Variants in AFF3 observed in about 807,000 individuals in gnomAD.
AFF3 encodes the protein AF4/FMR2 family member 3.
In AFF3, 32 loss-of-function variants were observed where a neutral mutation model predicts 129.7. The ratio of observed to expected loss-of-function variants is 0.25; its 90% CI spans 0.19 to 0.33. AFF3 has a LOEUF of 0.33. Among genes scored for constraint, AFF3 ranks in the 10% least tolerant of loss-of-function variants. The pLI, the probability that AFF3 is intolerant of heterozygous loss-of-function variation, is 1.00. For synonymous variants in AFF3, 644 were observed against 635.4 expected, an observed-to-expected ratio of 1.01 and a Z score of -0.20; for missense variants, 1,373 against 1,592.0, an observed-to-expected ratio of 0.86 and a Z score of 2.34.
chr2:99,714,274 G>T (rs1369735250), intron 11 of AFF3, among the ~76,000 whole-genome samples: 1 of 152,138 alleles, frequency 6.6e-6, no homozygotes, highest in Non-Finnish European at 1.5e-5. Flanking sequence ...GTAGGCAAAG[G>T]CTGGTCAGTC....
chr2:99,597,998 C>T (rs1358467741), intron 14 of AFF3, among the ~76,000 whole-genome samples: 1 of 152,200 alleles, frequency 6.6e-6, no homozygotes, highest in Non-Finnish European at 1.5e-5. Flanking sequence ...CAACTTGAAT[C>T]ACATTTCTGT....
chr2:99,878,989 A>G (rs962833906), intron 7 of AFF3, among the ~76,000 whole-genome samples: 11 of 152,206 alleles, frequency 7.2e-5, no homozygotes, highest in African/African-American at 2.4e-4. Flanking sequence ...AACTTCAGAG[A>G]GAAGATGTCA....
In AFF3 at chr2:100,012,331, T is replaced by G. The variant is rs547390912; in HGVS notation, c.54-3399A>C. The stretch of plus-strand genomic sequence containing the variant: ...TGGTGGGTAGCTCTGTAGCCTCCAC[T>G]GAGCTGCTTCTTAAAACTAACCTAC... On this transcript the variant is annotated intron_variant, in intron 4 of 24. Coordinates refer to ENST00000672756, the MANE Select transcript of AFF3 (RefSeq NM_001386135.1). 1.9e-3 allele frequency among the ~76,000 whole-genome samples: 296 copies of G among 152,322 alleles called. 1 individual carries two copies. Among genetic ancestry groups the G allele is most frequent in the African/African-American group, 6.8e-3 (282 of 41,570 alleles).
intron 11 of AFF3, among the ~76,000 whole-genome samples, chr2:99,681,708 A>G (rs970004504): frequency 1.3e-5 from 2 of 152,212 alleles, no homozygotes; most frequent in Non-Finnish European, 2.9e-5. Context: ...AACAGACACC[A>G]CATCTCGTTC....
chr2:99,797,097 C>A (rs192194219), intron 8 of AFF3, among the ~76,000 whole-genome samples: 21 of 152,122 alleles, frequency 1.4e-4, no homozygotes, highest in Middle Eastern at 3.4e-3. Flanking sequence ...GATCACCATA[C>A]GTGCAAAGAA....
intron 7 of AFF3, among the ~76,000 whole-genome samples, chr2:99,899,938 G>A (rs1694230123): frequency 6.6e-6 from 1 of 152,194 alleles, no homozygotes; most frequent in Non-Finnish European, 1.5e-5. Context: ...TCAGGATGGT[G>A]TGCACTCTGA....
At chr2:99,897,840 C>T (rs991934597) in intron 7 of AFF3, among the ~76,000 whole-genome samples, 5 of 151,812 alleles carry the variant, frequency 3.3e-5, no homozygotes, top group South Asian at 2.1e-4. Context: ...AATTGAAATA[C>T]GTAGTTGAAA....
intron 8 of AFF3, among the ~76,000 whole-genome samples, chr2:99,795,440 T>C (rs936986378): frequency 1.5e-4 from 23 of 152,138 alleles, no homozygotes; most frequent in Non-Finnish European, 1.2e-4. Context: ...AAATTACTAA[T>C]GGGCATAATC....
intron 7 of AFF3, among the ~76,000 whole-genome samples, chr2:99,880,557 G>A (rs571012367): frequency 6.6e-6 from 1 of 152,312 alleles, no homozygotes; most frequent in African/African-American, 2.4e-5. Context: ...CTATGCCATA[G>A]CGTGGAGAAT....
At chr2:99,990,924 A>G (rs966785541) in intron 7 of AFF3, among the ~76,000 whole-genome samples, 1 of 152,134 alleles carries the variant, frequency 6.6e-6, no homozygotes, top group African/African-American at 2.4e-5. Flanking sequence ...GCGCAGCTGG[A>G]AAAAGGAGAC....
At chr2:99,648,696 C>T (rs976983015) in intron 13 of AFF3, among the ~76,000 whole-genome samples, 2 of 152,034 alleles carry the variant, frequency 1.3e-5, no homozygotes, top group African/African-American at 2.4e-5. Flanking sequence ...CTGGTTTACA[C>T]AGTCAATGAT....
At chr2:99,869,731 A>C (rs142173323) in intron 7 of AFF3, among the ~76,000 whole-genome samples, 1 of 152,284 alleles carries the variant, frequency 6.6e-6, no homozygotes, top group East Asian at 1.9e-4. Context: ...CACCAAAACC[A>C]AAGTATAACT....
At chr2:99,900,136 C>A (rs1038144290) in intron 7 of AFF3, among the ~76,000 whole-genome samples, 1 of 152,128 alleles carries the variant, frequency 6.6e-6, no homozygotes, top group African/African-American at 2.4e-5. Context: ...TGTGAAGAGG[C>A]TGTAACTTAC....
At chr2:99,867,501 A>G (rs1691506170) in intron 7 of AFF3, among the ~76,000 whole-genome samples, 1 of 151,318 alleles carries the variant, frequency 6.6e-6, no homozygotes, top group African/African-American at 2.4e-5. Flanking sequence ...ACTTCCTAGT[A>G]TCACAGGAGT....
chr2:99,801,177 T>C (rs1685918547), intron 8 of AFF3, among the ~76,000 whole-genome samples: 2 of 152,228 alleles, frequency 1.3e-5, no homozygotes, highest in African/African-American at 4.8e-5. Context: ...TGATACTTCC[T>C]ATTTCTTCCT....
At chr2:99,700,263 G>A (rs62156492) in intron 11 of AFF3, among the ~76,000 whole-genome samples, 3,566 of 152,264 alleles carry the variant, frequency 0.023, 54 homozygotes, top group Non-Finnish European at 0.03. Flanking sequence ...TGGGATTATA[G>A]GCGTGTGCCA....
Position 99,584,205 on chromosome 2 carries a change from C to T in AFF3, c.2592-1206G>A, listed in dbSNP as rs570545966. ...GTAGGAGGCCGGGTGTGGTGGCTCA[C>T]GCCTGTAATCCCAGCACTTTGGGAG... On this transcript the variant is annotated intron_variant, in intron 16 of 24. Coordinates refer to ENST00000672756, the MANE Select transcript of AFF3 (RefSeq NM_001386135.1). Among the ~76,000 whole-genome samples the T allele has an allele frequency of 1.6e-3, 241 of 151,692 alleles. 5 individuals are homozygous for T. In the South Asian group the frequency reaches 0.017, roughly 11 times the overall value.
intron 12 of AFF3, among the ~76,000 whole-genome samples, chr2:99,671,304 C>T (rs1471495019): frequency 6.6e-6 from 1 of 152,182 alleles, no homozygotes; most frequent in Non-Finnish European, 1.5e-5. Flanking sequence ...AGATATCTGG[C>T]TGCCCTGGAA....
intron 7 of AFF3, among the ~76,000 whole-genome samples, chr2:99,889,479 C>A (rs555763413): frequency 6.6e-5 from 10 of 152,346 alleles, no homozygotes; most frequent in African/African-American, 2.2e-4. Context: ...CTCACTATGA[C>A]AGATTTATAT....
Sources: gnomAD v4.1 joint callset for allele counts (sites outside exome capture counted in the v4.1 genomes callset) on GRCh38, gnomAD v4.1.1 for gene constraint, MANE v1.5 for transcripts, NCBI Gene and HGNC (gene_info 2026-07-23, HGNC 2026-07-21) for gene names.